Variants in FGD3 observed in about 807,000 individuals in gnomAD.
The protein encoded by FGD3 is FYVE, RhoGEF and PH domain containing 3.
A neutral mutation model predicts 71.8 loss-of-function variants in FGD3; 45 were observed. The ratio of observed to expected loss-of-function variants is 0.63; its 90% confidence interval spans 0.49 to 0.80. The LOEUF (loss-of-function observed/expected upper bound fraction) is 0.80. Among genes scored for constraint, FGD3 ranks in the 30% least tolerant of loss-of-function variants. The pLI, the probability that FGD3 is intolerant of heterozygous loss-of-function variation, is 0.00. For missense variants in FGD3, 844 were observed against 951.5 expected, an observed-to-expected ratio of 0.89 and a Z score of 1.49; for synonymous variants, 378 against 392.8, an observed-to-expected ratio of 0.96 and a Z score of 0.44.
At chr9:93,024,865 T>C (rs1862061690) in intron 14 of FGD3, among the ~76,000 whole-genome samples, 1 of 152,222 alleles carries the variant, frequency 6.6e-6, no homozygotes. Context: ...GTTTAAAATG[T>C]TTTAACTTGT....
At chr9:92,999,137 G>A (rs747467259) in intron 3 of FGD3, among the ~76,000 whole-genome samples, 34 of 152,266 alleles carry the variant, frequency 2.2e-4, no homozygotes, top group African/African-American at 4.1e-4. Flanking sequence ...CGAGTTTCCC[G>A]GCGGCTTTGT....
chr9:92,955,231 C>A (rs1205223045), intron 1 of FGD3, among the ~76,000 whole-genome samples: 1 of 152,182 alleles, frequency 6.6e-6, no homozygotes, highest in East Asian at 1.9e-4. Flanking sequence ...AGGCTCACTG[C>A]TTCTCTTAAG....
At chr9:92,952,214 A>G (rs1475036439) in intron 1 of FGD3, among the ~76,000 whole-genome samples, 2 of 150,036 alleles carry the variant, frequency 1.3e-5, no homozygotes, top group South Asian at 2.1e-4. Context: ...ATATATACAC[A>G]TATCATTGTT....
intron 2 of FGD3, 22 bp from the exon 3 acceptor site, chr9:92,976,186 C>T: frequency 7.2e-7 from 1 of 1,389,826 alleles, no homozygotes; most frequent in Admixed American, 2.7e-5. Flanking sequence ...AGCACTGACT[C>T]TGGCTTGTTT....
At position 92,973,378 on chromosome 9, in the gene FGD3, G is replaced by A. The variant is rs539269047; in HGVS notation, c.-217-1860G>A. 2.6e-5 allele frequency among the ~76,000 whole-genome samples: 4 copies of A among 152,282 alleles called. No homozygotes were observed. The East Asian group carries it at 7.7e-4, about 29-fold the overall frequency. Reference sequence around the variant, plus strand: ...GATCCATCTGCCTTGGCCTCCTAAAGTGCTGGGATTACAGGCGTGAGCCAC... The same window carrying A: ...GATCCATCTGCCTTGGCCTCCTAAAATGCTGGGATTACAGGCGTGAGCCAC... On this transcript the variant is annotated intron_variant, in intron 1 of 17. Coordinates refer to ENST00000375482, the MANE Select transcript of FGD3 (RefSeq NM_001083536.2).
At chr9:92,971,566 C>CTTTTTTTTTTTTTT (rs869043960) in intron 1 of FGD3, among the ~76,000 whole-genome samples, 24 of 39,572 alleles carry the variant, frequency 6.1e-4, no homozygotes, top group Admixed American at 1.5e-3. Context: ...CTTTTCTTTT[C>CTTTTTTTTTTTTTT]TTTTTTTTTT....
intron 6 of FGD3, among the ~76,000 whole-genome samples, chr9:93,008,784 T>A (rs1861173520): frequency 6.6e-6 from 1 of 152,016 alleles, no homozygotes; most frequent in African/African-American, 2.4e-5. Context: ...GGCAACATAG[T>A]GAAACCCTAT....
intron 3 of FGD3, among the ~76,000 whole-genome samples, chr9:92,977,393 TG>T (rs1476660295): frequency 6.6e-6 from 1 of 151,914 alleles, no homozygotes; most frequent in African/African-American, 2.4e-5. Flanking sequence ...ACTGTGGGTA[TG>T]GGGGGCACAG....
rs183972286 is a variant in FGD3, at chr9:92,999,723, A to G, written c.454-3202A>G. ...ATTCTCCTGCCTCAGCCTCCTGAGT[A>G]GCTGGGATTACAGGTGCCTACTATC... On this transcript the variant is annotated intron_variant, in intron 3 of 17. Coordinates refer to ENST00000375482, the MANE Select transcript of FGD3 (RefSeq NM_001083536.2). Among the ~76,000 whole-genome samples, 4 of 151,322 alleles carry G rather than the reference A, an allele frequency of 2.6e-5. No homozygotes were observed. The East Asian group carries it at 7.8e-4, about 30-fold the overall frequency.
intron 16 of FGD3, chr9:93,034,086 C>G (rs558340860): frequency 1.2e-3 from 185 of 153,576 alleles, no homozygotes; most frequent in Admixed American, 2.7e-3. Context: ...GTCTAAGCCA[C>G]GTCCAAATGG....
At chr9:92,954,113 A>G (rs898475386) in intron 1 of FGD3, among the ~76,000 whole-genome samples, 1 of 152,210 alleles carries the variant, frequency 6.6e-6, no homozygotes, top group Non-Finnish European at 1.5e-5. Flanking sequence ...CTCACCACCC[A>G]GAGACGGTCA....
Position 92,952,932 on chromosome 9 carries a change from G to C in FGD3, c.-218+5203G>C, listed in dbSNP as rs77128070. 4.5e-3 allele frequency among the ~76,000 whole-genome samples: 692 copies of C among 152,282 alleles called. 3 individuals are homozygous for C. The highest frequency in any genetic ancestry group is 6.9e-3 in the Non-Finnish European group (470 of 68,032). On this transcript the variant is annotated intron_variant, in intron 1 of 17. Transcript: ENST00000375482. Reference sequence around the variant, plus strand: ...GTTGTTGCATTCTGAATAGCCTCTGGTTGATCAGGAGCTTAGACTAAGGAT... The same window carrying C: ...GTTGTTGCATTCTGAATAGCCTCTGCTTGATCAGGAGCTTAGACTAAGGAT...
intron 1 of FGD3, among the ~76,000 whole-genome samples, chr9:92,948,643 T>C (rs966661444): frequency 2.0e-5 from 3 of 152,266 alleles, no homozygotes; most frequent in Non-Finnish European, 4.4e-5. Flanking sequence ...CAGGATTTAA[T>C]GTTGTGAACT....
intron 1 of FGD3, among the ~76,000 whole-genome samples, chr9:92,949,263 C>G (rs554314317): frequency 2.6e-5 from 4 of 152,290 alleles, no homozygotes; most frequent in Non-Finnish European, 5.9e-5. Context: ...ACCAGTGCCT[C>G]AGTTTCTCCA....
rs1408151177 is a variant in FGD3 at position 93,013,841 on chromosome 9, G to C, written c.1036-11G>C. On this transcript the variant is annotated splice_polypyrimidine_tract_variant and intron_variant, in intron 8 of 17. Transcript: ENST00000375482. Reference sequence around the variant, plus strand: ...CAGACCTTTGGTGCCTGAGTCCCATGTCTCTTGCAGGAGAAAATGCACAAG... The same window carrying C: ...CAGACCTTTGGTGCCTGAGTCCCATCTCTCTTGCAGGAGAAAATGCACAAG... 6.2e-7 allele frequency: 1 copy of C among 1,612,344 alleles called. No individual in the cohort carries two copies. The highest frequency in any genetic ancestry group is 8.5e-7 in the Non-Finnish European group (1 of 1,179,344).
At position 93,014,014 on chromosome 9, in the gene FGD3, G is replaced by A; in HGVS notation, c.1182+16G>A. On this transcript the variant is annotated intron_variant, in intron 9 of 17. Coordinates refer to ENST00000375482, the MANE Select transcript of FGD3 (RefSeq NM_001083536.2). ...CCTCTTCCTGGTGAGCCTGGCCCCT[G>A]CCAGCCCAGCCGCAGAGCCTCCCTT... 6.3e-7 allele frequency: 1 copy of A among 1,592,050 alleles called. No homozygotes were observed. The highest frequency in any genetic ancestry group is 8.5e-7 in the Non-Finnish European group (1 of 1,170,368).
intron 1 of FGD3, among the ~76,000 whole-genome samples, chr9:92,950,341 C>G (rs1344610146): frequency 1.3e-5 from 2 of 151,122 alleles, no homozygotes; most frequent in Admixed American, 6.6e-5. Context: ...GGCTTGAACC[C>G]GGGAGGCAGA....
intron 3 of FGD3, among the ~76,000 whole-genome samples, chr9:92,980,261 C>T (rs7870077): frequency 0.6 from 90,447 of 151,970 alleles, 27,130 homozygotes; most frequent in South Asian, 0.67. Context: ...CCTCAAGTGA[C>T]TCACCTGCCT....
chr9:92,973,359 T>C (rs1448677022), intron 1 of FGD3, among the ~76,000 whole-genome samples: 2 of 152,056 alleles, frequency 1.3e-5, no homozygotes, highest in African/African-American at 2.4e-5. Flanking sequence ...AAGTGATCCA[T>C]CTGCCTTGGC....
Sources: gnomAD v4.1 joint callset for allele counts (sites outside exome capture counted in the v4.1 genomes callset) on GRCh38, gnomAD v4.1.1 for gene constraint, MANE v1.5 for transcripts, NCBI Gene and HGNC (gene_info 2026-07-23, HGNC 2026-07-21) for gene names.